The following EXOSC9 variants were observed in gnomAD, a reference collection of about 807,000 sequenced individuals.
EXOSC9 encodes exosome component 9, also known as exosome complex component RRP45.
EXOSC9 carries 38 observed loss-of-function variants against 56.5 expected under a neutral mutation model. The observed-to-expected ratio is 0.67, with a 90% CI of 0.52 to 0.88. EXOSC9 has a LOEUF of 0.88. EXOSC9 is among the 40% of genes least tolerant of loss of function. The pLI is 0.00. For synonymous variants in EXOSC9, 170 were observed against 170.8 expected (o/e 0.99, Z 0.04); for missense variants, 559 against 530.5 (o/e 1.05, Z -0.53).
chr4:121,809,290 T>TA (rs1727137430), intron 6 of EXOSC9, among the ~76,000 whole-genome samples: 1 of 152,160 alleles, frequency 6.6e-6, no homozygotes, highest in East Asian at 1.9e-4. Context: ...CCTGGCCTCA[T>TA]ATGTGTAATT....
chr4:121,813,652 A>C (rs1245155764), intron 9 of EXOSC9: 1 of 535,750 alleles, frequency 1.9e-6, no homozygotes, highest in Non-Finnish European at 3.3e-6. Flanking sequence ...CTGTCTCTTC[A>C]CATTTCTTAT....
At chr4:121,801,609 C>T in intron 1 of EXOSC9, 119 bp downstream of exon 1, 1 of 958,340 alleles carries the variant, frequency 1.0e-6, no homozygotes, top group Non-Finnish European at 1.7e-6. Context: ...GCACGTTCAC[C>T]CCATCCCTCA....
Position 121,809,812 on chromosome 4 carries a change from CTT to C in EXOSC9, c.606-154_606-153del. 7.2e-6 allele frequency: 5 copies of C among 697,082 alleles called. No homozygotes were observed. In the South Asian group the frequency reaches 8.7e-5, roughly 12 times the overall value. 43.2% of individuals were successfully genotyped at this position (697,082 alleles called of 1,614,324 possible). ...TTGTGTTCATAAACACAATAATTTT[CTT>C]GTCTCTTTCCCCATTTCAGTGACCC... On this transcript the variant is annotated intron_variant, in intron 6 of 11. Transcript: ENST00000243498.
chr4:121,816,975 A>G lies in EXOSC9; in HGVS notation c.*119A>G. 1.8e-6 allele frequency: 2 copies of G among 1,085,572 alleles called. No individual in the cohort carries two copies. Among genetic ancestry groups the G allele is most frequent in the South Asian group, 2.1e-5 (1 of 47,196 alleles). 67.2% of individuals were successfully genotyped at this position (1,085,572 alleles called of 1,614,324 possible). ...TAAAATCTAGCAGGATTTTAAAAAT[A>G]GTTTTTTGTTTTTAATGTGCTTTAA... On this transcript the variant is annotated 3_prime_UTR_variant, in exon 12 of 12. Transcript: ENST00000243498.
chr4:121,815,663 T>A, intron 10 of EXOSC9: 1 of 985,566 alleles, frequency 1.0e-6, no homozygotes, highest in South Asian at 4.7e-5. Flanking sequence ...GCATTTTTTG[T>A]TACTGTATTT....
rs142755090 is a variant in EXOSC9, at chr4:121,812,577, G to A, written c.828-657G>A. ...GCAATCTCAGCTCACTGCAGCCTCC[G>A]CCTCATGGCTTCAAGTGATTCTCCT... On this transcript the variant is annotated intron_variant, in intron 8 of 11. Coordinates refer to ENST00000243498, the MANE Select transcript of EXOSC9 (RefSeq NM_005033.3). Among the ~76,000 whole-genome samples, 1,074 of 152,188 alleles carry A rather than the reference G, an allele frequency of 7.1e-3. 10 individuals are homozygous for A. The highest frequency in any genetic ancestry group is 0.025 in the African/African-American group (1,022 of 41,528).
Position 121,816,427 on chromosome 4 carries a change from C to A in EXOSC9, c.1215C>A (p.Asp405Glu). Residue 405 changes from aspartate (D) to glutamate (E), a missense_variant, in exon 11 of 12, where the codon GAC (aspartate) becomes GAA (glutamate). Transcript: ENST00000243498. ...EEEEMIILEPDKNPKKIRTQT... is the reference protein window; with the variant it reads ...EEEEMIILEPEKNPKKIRTQT... ...AAGAAATGATCATTTTGGAACCAGA[C>A]AAGAATCCAAAGAAAATAAGGTAAC... is the stretch of plus-strand genomic sequence containing the variant. 1 of 1,574,574 alleles carries A rather than the reference C, an allele frequency of 6.4e-7. No homozygotes were observed. The highest frequency in any genetic ancestry group is 8.6e-7 in the Non-Finnish European group (1 of 1,160,354).
chr4:121,814,015 C>T lies in EXOSC9; in HGVS notation c.1124C>T (p.Thr375Ile). The change falls in exon 10 of 12, where the codon ACT becomes ATT. Residue 375 changes from threonine to isoleucine, a missense_variant. Physicochemically the swap from Thr to Ile is moderately conservative, Grantham distance 89 (BLOSUM62 -1). Coordinates refer to ENST00000243498, the MANE Select transcript of EXOSC9 (RefSeq NM_005033.3). ...AIILDGIKMD[T>I]GVEVSDIGSQ... ...ATTCTTGATGGTATAAAAATGGACA[C>T]TGGAGTAGAAGTCTCTGATATTGGA... is the stretch of plus-strand genomic sequence containing the variant. 1 of 1,613,622 alleles carries T rather than the reference C, an allele frequency of 6.2e-7. No homozygotes were observed. Among genetic ancestry groups the T allele is most frequent in the Non-Finnish European group, 8.5e-7 (1 of 1,179,756 alleles).
At position 121,816,395 on chromosome 4, in the gene EXOSC9, G is replaced by A; in HGVS notation, c.1183G>A (p.Glu395Lys). 1 of 1,559,412 alleles carries A rather than the reference G, an allele frequency of 6.4e-7. No individual in the cohort carries two copies. Among genetic ancestry groups the A allele is most frequent in the Non-Finnish European group, 8.7e-7 (1 of 1,152,648 alleles). Residue 395 changes from glutamate (E) to lysine (K), a missense_variant, in exon 11 of 12, where the codon GAA becomes AAA. Coordinates refer to ENST00000243498, the MANE Select transcript of EXOSC9 (RefSeq NM_005033.3). ...QDAPIILSDS[E>K]EEEMIILEPD... ...TGCTCCCATAATACTCTCAGATAGT[G>A]AAGAAGAAGAAATGATCATTTTGGA...
At chr4:121,816,071 C>T (rs1724488407) in intron 10 of EXOSC9, 1 of 756,318 alleles carries the variant, frequency 1.3e-6, no homozygotes. Flanking sequence ...GATTCTCATG[C>T]CTCAGCCTCG....
At chr4:121,805,797 TTTTTTTTTTTTC>T (rs1326818327) in intron 5 of EXOSC9, among the ~76,000 whole-genome samples, 56 of 70,382 alleles carry the variant, frequency 8.0e-4, no homozygotes, top group Non-Finnish European at 1.0e-3. Context: ...GAAAATATTC[TTTTTTTTTTTTC>T]TTTTTTTTTT....
At position 121,803,573 on chromosome 4, in the gene EXOSC9, C is replaced by G. The variant is rs868602752; in HGVS notation, c.384+556C>G. On this transcript the variant is annotated intron_variant, in intron 4 of 11. Transcript: ENST00000243498. ...TTTATTTTTTTGAGATAGAGTCTCA[C>G]TCTGTTGCCCAGGCTGGAGTGCAGT... Among the ~76,000 whole-genome samples, 21 of 152,294 alleles carry G rather than the reference C, an allele frequency of 1.4e-4. No individual in the cohort carries two copies. The South Asian group carries it at 1.9e-3, about 14-fold the overall frequency.
chr4:121,810,142 T>C (rs931891207), intron 7 of EXOSC9, 43 bp downstream of exon 7: 77 of 1,562,382 alleles, frequency 4.9e-5, no homozygotes, highest in Non-Finnish European at 6.5e-5. Context: ...AGGTTGCTTC[T>C]CTTTAGATGC....
In EXOSC9 at chr4:121,801,385, C is replaced by T; in HGVS notation, c.-40C>T. On this transcript the variant is annotated 5_prime_UTR_variant, in exon 1 of 12. Coordinates refer to ENST00000243498, the MANE Select transcript of EXOSC9 (RefSeq NM_005033.3). Reference sequence around the variant, plus strand: ...AAGGAAAGATCGGGTTCCGTTTTTCCCGCGGATTCTGGTGCCTGTGGGGCC... The same window carrying T: ...AAGGAAAGATCGGGTTCCGTTTTTCTCGCGGATTCTGGTGCCTGTGGGGCC... 7 of 1,599,304 alleles carry T rather than the reference C, an allele frequency of 4.4e-6. No individual in the cohort carries two copies. In the South Asian group the frequency reaches 5.5e-5, roughly 13 times the overall value.
intron 8 of EXOSC9, among the ~76,000 whole-genome samples, chr4:121,811,908 C>T (rs966871490): frequency 2.7e-4 from 41 of 152,078 alleles, no homozygotes; most frequent in African/African-American, 9.4e-4. Flanking sequence ...CATCTTTGGA[C>T]GGATACAATA....
chr4:121,802,573 T>C, intron 2 of EXOSC9, 101 bp from the exon 3 acceptor site: 1 of 1,056,520 alleles, frequency 9.5e-7, no homozygotes, highest in Non-Finnish European at 1.4e-6. Flanking sequence ...TGGCTGAGTA[T>C]GATATTACTC....
At chr4:121,801,980 T>C (rs890112444) in intron 2 of EXOSC9, 59 bp downstream of exon 2, 4 of 1,159,282 alleles carry the variant, frequency 3.5e-6, no homozygotes, top group African/African-American at 1.5e-5. Flanking sequence ...AAAGACCTTA[T>C]TGACTTGGTT....
intron 5 of EXOSC9, among the ~76,000 whole-genome samples, chr4:121,805,484 G>T (rs1726991556): frequency 2.0e-5 from 3 of 152,204 alleles, no homozygotes. Context: ...CAGATGCCCA[G>T]ATTTTCTAAG....
At chr4:121,804,048 C>T (rs774517176) in intron 4 of EXOSC9, among the ~76,000 whole-genome samples, 10 of 151,972 alleles carry the variant, frequency 6.6e-5, no homozygotes, top group South Asian at 6.2e-4. Flanking sequence ...TCGTCCAGGC[C>T]GGAGTACAGT....
Sources: gnomAD v4.1 joint callset for allele counts (sites outside exome capture counted in the v4.1 genomes callset) on GRCh38, gnomAD v4.1.1 for gene constraint, MANE v1.5 for transcripts, NCBI Gene and HGNC (gene_info 2026-07-23, HGNC 2026-07-21) for gene names.